The following TENM2 variants were observed in gnomAD, a reference collection of about 807,000 sequenced individuals.
TENM2 encodes teneurin-2.
In TENM2, 52 loss-of-function variants were observed where a neutral mutation model predicts 245.2. The ratio of observed to expected loss-of-function variants is 0.21; its 90% confidence interval spans 0.17 to 0.27. The LOEUF (loss-of-function observed/expected upper bound fraction) is 0.27. Among genes scored for constraint, TENM2 ranks in the 10% least tolerant of loss-of-function variants. TENM2 has a pLI of 1.00. For missense variants in TENM2, 3,046 were observed against 3,666.8 expected (o/e 0.83, Z 4.37); for synonymous variants, 1,363 against 1,438.9 (o/e 0.95, Z 1.19).
At chr5:167,671,257 C>T (rs1755925205) in intron 2 of TENM2, among the ~76,000 whole-genome samples, 1 of 152,078 alleles carries the variant, frequency 6.6e-6, no homozygotes. Context: ...TATAATAGCC[C>T]TGACATAAAT....
At chr5:167,580,285 T>C (rs1774996861) in intron 2 of TENM2, among the ~76,000 whole-genome samples, 1 of 152,258 alleles carries the variant, frequency 6.6e-6, no homozygotes. Context: ...GAGGGAATTA[T>C]GTAGAAAAAT....
chr5:168,045,154 A>T (rs28507501), intron 5 of TENM2, among the ~76,000 whole-genome samples: 71 of 151,920 alleles, frequency 4.7e-4, no homozygotes, highest in African/African-American at 1.6e-3. Flanking sequence ...CCTCCATCTC[A>T]CTTTCTTATT....
the TENM2 span, among the ~76,000 whole-genome samples, chr5:167,213,269 A>G: frequency 6.6e-6 from 1 of 152,344 alleles, no homozygotes; most frequent in African/African-American, 2.4e-5. Context: ...CTGTAAATGA[A>G]TACCATGGCC....
intron 9 of TENM2, among the ~76,000 whole-genome samples, chr5:168,101,370 G>A (rs1793800060): frequency 6.6e-6 from 1 of 152,274 alleles, no homozygotes; most frequent in Admixed American, 6.5e-5. Context: ...TAAAAACCAT[G>A]TGTGCTCCGA....
the TENM2 span, among the ~76,000 whole-genome samples, chr5:167,249,194 T>C: frequency 6.6e-6 from 1 of 152,152 alleles, no homozygotes; most frequent in Non-Finnish European, 1.5e-5. Context: ...TTCATCCATA[T>C]CTTTAGGTCA....
At chr5:167,106,880 G>A in the TENM2 span, among the ~76,000 whole-genome samples, 1 of 151,860 alleles carries the variant, frequency 6.6e-6, no homozygotes, top group African/African-American at 2.4e-5. Context: ...AGAATTGCAG[G>A]GTTGCATAGA....
At chr5:167,856,470 T>C (rs1374931676) in intron 2 of TENM2, among the ~76,000 whole-genome samples, 1 of 152,206 alleles carries the variant, frequency 6.6e-6, no homozygotes, top group Non-Finnish European at 1.5e-5. Context: ...TATAATTAAT[T>C]TGAGCTTAAG....
intron 2 of TENM2, among the ~76,000 whole-genome samples, chr5:167,852,265 G>A (rs73803240): frequency 2.8e-4 from 42 of 152,254 alleles, no homozygotes; most frequent in African/African-American, 9.1e-4. Context: ...TACAGTAATC[G>A]ATTATTGTTT....
chr5:167,789,509 T>G (rs1278880179), intron 2 of TENM2, among the ~76,000 whole-genome samples: 1 of 152,232 alleles, frequency 6.6e-6, no homozygotes, highest in East Asian at 1.9e-4. Context: ...CAAGTTTGGC[T>G]GCTCCTGGTC....
intron 27 of TENM2, among the ~76,000 whole-genome samples, chr5:168,259,772 T>A (rs1581797935): frequency 6.6e-6 from 1 of 152,312 alleles, no homozygotes; most frequent in African/African-American, 2.4e-5. Flanking sequence ...ATCCTGTATA[T>A]CCAGCCTCTA....
At chr5:167,670,227 A>G (rs762493578) in intron 2 of TENM2, among the ~76,000 whole-genome samples, 7 of 152,140 alleles carry the variant, frequency 4.6e-5, no homozygotes, top group Non-Finnish European at 1.0e-4. Flanking sequence ...ATGGATGGCA[A>G]TGCATCCAAG....
intron 5 of TENM2, among the ~76,000 whole-genome samples, chr5:168,042,659 T>G (rs564091519): frequency 9.0e-4 from 137 of 152,188 alleles, no homozygotes; most frequent in South Asian, 8.1e-3. Flanking sequence ...AGTATTGCCT[T>G]TGGAACCCAC....
At chr5:168,159,876 C>T (rs1043582569) in intron 12 of TENM2, among the ~76,000 whole-genome samples, 1 of 152,158 alleles carries the variant, frequency 6.6e-6, no homozygotes, top group African/African-American at 2.4e-5. Context: ...TAAAAAAAAG[C>T]CTCATTCAAT....
chr5:168,237,978 T>TA lies in TENM2; in HGVS notation c.5521-6435dup, dbSNP rs974994804. 4.0e-5 allele frequency among the ~76,000 whole-genome samples: 6 copies of TA among 150,828 alleles called. No individual in the cohort carries two copies. In the South Asian group the frequency reaches 6.3e-4, roughly 16 times the overall value. On this transcript the variant is annotated intron_variant, in intron 25 of 28. Transcript: ENST00000518659. ...TAACACGGTGAAACCCCGTCTCTAC[T>TA]AAAAAAATACAAAAAAATTAGCTGG...
the TENM2 span, among the ~76,000 whole-genome samples, chr5:167,071,909 G>A: frequency 2.2e-5 from 2 of 89,492 alleles, no homozygotes; most frequent in African/African-American, 7.3e-5. Flanking sequence ...CCAACCGTCT[G>A]GAAAATCAGG....
chr5:167,564,932 A>AT (rs1185458791), intron 2 of TENM2, among the ~76,000 whole-genome samples: 1 of 152,246 alleles, frequency 6.6e-6, no homozygotes, highest in Non-Finnish European at 1.5e-5. Flanking sequence ...CAGAGTCAGT[A>AT]TGAGAGAGAA....
chr5:168,006,334 C>A (rs1364589307), intron 5 of TENM2, among the ~76,000 whole-genome samples: 1 of 152,104 alleles, frequency 6.6e-6, no homozygotes, highest in Admixed American at 6.5e-5. Context: ...CTGGAAGGGT[C>A]CTGAGGTTCT....
intron 2 of TENM2, among the ~76,000 whole-genome samples, chr5:167,735,727 G>A (rs1760748427): frequency 6.6e-6 from 1 of 152,244 alleles, no homozygotes; most frequent in Non-Finnish European, 1.5e-5. Context: ...GATCACTTGA[G>A]CCTAGGAGAT....
chr5:168,007,692 A>G (rs1784931994), intron 5 of TENM2, among the ~76,000 whole-genome samples: 1 of 152,182 alleles, frequency 6.6e-6, no homozygotes. Flanking sequence ...CTCACTGAAA[A>G]TATCTACTTC....
Sources: gnomAD v4.1 joint callset for allele counts (sites outside exome capture counted in the v4.1 genomes callset) on GRCh38, gnomAD v4.1.1 for gene constraint, MANE v1.5 for transcripts, NCBI Gene and HGNC (gene_info 2026-07-23, HGNC 2026-07-21) for gene names.